The following SHC4 variants were observed in gnomAD, a reference collection of about 807,000 sequenced individuals.
The protein encoded by SHC4 is SHC-transforming protein 4.
SHC4 carries 41 observed loss-of-function variants against 69.4 expected under a neutral mutation model. The ratio of observed to expected loss-of-function variants is 0.59; its 90% CI spans 0.46 to 0.77. The LOEUF (loss-of-function observed/expected upper bound fraction) is 0.77, where lower values mean the gene tolerates loss of function less well. Among genes scored for constraint, SHC4 ranks in the 30% least tolerant of loss-of-function variants. The pLI, the probability that SHC4 is intolerant of heterozygous loss-of-function variation, is 0.00. For synonymous variants in SHC4, 318 were observed against 299.3 expected, an observed-to-expected ratio of 1.06 and a Z score of -0.64; for missense variants, 777 against 783.8, an observed-to-expected ratio of 0.99 and a Z score of 0.10.
In SHC4 at chr15:48,856,034, A is replaced by G. The variant is rs1347197650; in HGVS notation, c.1161T>C (p.Gly387=). ...EIPGKQPPVG[G]VSDMRIKVQA... Reference sequence around the variant, plus strand: ...GAACTTTGATCCGCATATCTGAAACACCACCTACTGGTGGCTGCTTCCCTG... The same window carrying G: ...GAACTTTGATCCGCATATCTGAAACGCCACCTACTGGTGGCTGCTTCCCTG... Residue 387 remains glycine (G), a synonymous_variant, in exon 8 of 12, where the codon GGT becomes GGC. Transcript: ENST00000332408. The G allele has an allele frequency of 6.2e-7, 1 of 1,613,838 alleles. No homozygotes were observed. The highest frequency in any genetic ancestry group is 8.5e-7 in the Non-Finnish European group (1 of 1,179,900).
At chr15:48,930,200 C>T (rs918317477) in intron 1 of SHC4, among the ~76,000 whole-genome samples, 1 of 152,174 alleles carries the variant, frequency 6.6e-6, no homozygotes, top group Non-Finnish European at 1.5e-5. Flanking sequence ...GGGAGAGAGG[C>T]AGGTTTTTAC....
intron 11 of SHC4, among the ~76,000 whole-genome samples, chr15:48,831,608 CT>C (rs565849162): frequency 1.6e-3 from 241 of 152,280 alleles, no homozygotes; most frequent in African/African-American, 5.4e-3. Context: ...GCTATACTAT[CT>C]AGGTTTGTGT....
At position 48,826,130 on chromosome 15, in the gene SHC4, GA is replaced by G; in HGVS notation, c.1738-5del. 6.2e-7 allele frequency: 1 copy of G among 1,600,810 alleles called. No homozygotes were observed. On this transcript the variant is annotated splice_region_variant and splice_polypyrimidine_tract_variant and intron_variant, in intron 11 of 11. Coordinates refer to ENST00000332408, the MANE Select transcript of SHC4 (RefSeq NM_203349.4). ...ATACATGATCCTTGGTCCTCACCTT[GA>G]AAAAGAAGTACAAATATATTTAGGT... is the stretch of plus-strand genomic sequence containing the variant.
intron 1 of SHC4, among the ~76,000 whole-genome samples, chr15:48,953,489 G>C (rs1018428952): frequency 6.6e-6 from 1 of 152,028 alleles, no homozygotes; most frequent in Non-Finnish European, 1.5e-5. Flanking sequence ...TTTCAATACT[G>C]ATGCTTGCTA....
At chr15:48,924,252 G>T (rs1167785014) in intron 2 of SHC4, among the ~76,000 whole-genome samples, 1 of 152,058 alleles carries the variant, frequency 6.6e-6, no homozygotes, top group Non-Finnish European at 1.5e-5. Context: ...AATTTTTCCA[G>T]CTGCCAGTCT....
At chr15:48,869,118 AC>A (rs557856237) in intron 5 of SHC4, among the ~76,000 whole-genome samples, 45 of 152,370 alleles carry the variant, frequency 3.0e-4, no homozygotes, top group Admixed American at 2.2e-3. Context: ...GGGAGAATTT[AC>A]AGAATGCTAA....
rs1050175689 is a variant in SHC4, at chr15:48,837,817, T to C, written c.1484-2795A>G. Among the ~76,000 whole-genome samples the C allele has an allele frequency of 2.0e-5, 3 of 152,012 alleles. No homozygotes were observed. The East Asian group carries it at 5.8e-4, about 29-fold the overall frequency. Reference sequence around the variant, plus strand: ...GCTATCCACACCCAAATGGATCTAATGGGCAAAAACCTCTAAAAGGGAAAA... The same window carrying C: ...GCTATCCACACCCAAATGGATCTAACGGGCAAAAACCTCTAAAAGGGAAAA... On this transcript the variant is annotated intron_variant, in intron 10 of 11. Coordinates refer to ENST00000332408, the MANE Select transcript of SHC4 (RefSeq NM_203349.4).
Position 48,856,047 on chromosome 15 carries a change from G to A in SHC4, c.1148C>T (p.Pro383Leu), listed in dbSNP as rs1333778336. The change falls in exon 8 of 12, where the codon CCA becomes CTA. Residue 383 changes from proline to leucine, a missense_variant. Coordinates refer to ENST00000332408, the MANE Select transcript of SHC4 (RefSeq NM_203349.4). ...EYYNEIPGKQ[P>L]PVGGVSDMRI... ...CATATCTGAAACACCACCTACTGGT[G>A]GCTGCTTCCCTGGAATTTCATTGTA... is the stretch of plus-strand genomic sequence containing the variant. 6.2e-7 allele frequency: 1 copy of A among 1,613,852 alleles called. No homozygotes were observed. Among genetic ancestry groups the A allele is most frequent in the East Asian group, 2.2e-5 (1 of 44,866 alleles).
rs745410441 is a variant in SHC4 at position 48,867,834 on chromosome 15, A to G, written c.930T>C (p.Asp310=). Residue 310 remains aspartate (D), a synonymous_variant, in exon 6 of 12, where the codon GAT becomes GAC. Coordinates refer to ENST00000332408, the MANE Select transcript of SHC4 (RefSeq NM_203349.4). ...TTDYVAYVAK[D]PVNQRACHIL... Reference sequence around the variant, plus strand: ...TTTCCATACCTCGTTGATTAACTGGATCTTTAGCTACGTAGGCAACATAGT... The same window carrying G: ...TTTCCATACCTCGTTGATTAACTGGGTCTTTAGCTACGTAGGCAACATAGT... 1.2e-6 allele frequency: 2 copies of G among 1,613,548 alleles called. No individual in the cohort carries two copies. The highest frequency in any genetic ancestry group is 1.3e-5 in the African/African-American group (1 of 74,920).
chr15:48,833,791 C>T (rs1184833372), intron 11 of SHC4, among the ~76,000 whole-genome samples: 1 of 152,232 alleles, frequency 6.6e-6, no homozygotes, highest in Non-Finnish European at 1.5e-5. Context: ...CTTCCTGCCA[C>T]TGAGCTATGC....
At chr15:48,886,376 C>T (rs1423447556) in intron 3 of SHC4, among the ~76,000 whole-genome samples, 2 of 152,090 alleles carry the variant, frequency 1.3e-5, no homozygotes, top group Non-Finnish European at 2.9e-5. Context: ...TTGTTCTCAC[C>T]ATAACCTTAA....
At chr15:48,905,055 G>C (rs1025723109) in intron 2 of SHC4, among the ~76,000 whole-genome samples, 1 of 151,964 alleles carries the variant, frequency 6.6e-6, no homozygotes, top group Middle Eastern at 3.2e-3. Flanking sequence ...TTTGGAATTT[G>C]GCCAGGTTTA....
chr15:48,900,260 C>G (rs1900299366), intron 2 of SHC4, among the ~76,000 whole-genome samples: 1 of 152,106 alleles, frequency 6.6e-6, no homozygotes, highest in Non-Finnish European at 1.5e-5. Flanking sequence ...GTAATCCCAG[C>G]ACTTTGGAAG....
chr15:48,891,267 AGGATCG>A (rs1567062719), intron 2 of SHC4, among the ~76,000 whole-genome samples: 1 of 152,232 alleles, frequency 6.6e-6, no homozygotes, highest in Non-Finnish European at 1.5e-5. Flanking sequence ...AAAATTTAAA[AGGATCG>A]GGAGAACGTT....
chr15:48,826,253 C>CTTTTT, intron 11 of SHC4, 127 bp from the exon 12 acceptor site: 3 of 639,588 alleles, frequency 4.7e-6, no homozygotes, highest in Non-Finnish European at 7.0e-6. Flanking sequence ...AGAAAAGGTA[C>CTTTTT]TTTTTTTTTT....
At chr15:48,946,091 T>C (rs927943096) in intron 1 of SHC4, 4 of 152,240 alleles carry the variant, frequency 2.6e-5, no homozygotes, top group African/African-American at 9.6e-5. Context: ...TGCCTAGTGA[T>C]GTCAACTAAA....
intron 1 of SHC4, among the ~76,000 whole-genome samples, chr15:48,950,087 AT>A (rs35428882): frequency 0.21 from 29,918 of 142,252 alleles, 4,089 homozygotes; most frequent in Non-Finnish European, 0.3. Flanking sequence ...TATAAAATAT[AT>A]TTTTATAATA....
At chr15:48,943,538 T>C (rs1007052174) in intron 1 of SHC4, among the ~76,000 whole-genome samples, 3 of 152,200 alleles carry the variant, frequency 2.0e-5, no homozygotes, top group Non-Finnish European at 4.4e-5. Flanking sequence ...TCTTGACTAC[T>C]GTGAATAATG....
intron 6 of SHC4, among the ~76,000 whole-genome samples, chr15:48,867,083 C>T (rs10162882): frequency 6.6e-6 from 1 of 151,996 alleles, no homozygotes; most frequent in Non-Finnish European, 1.5e-5. Context: ...GGTTCCTGCC[C>T]TCATGAAGAT....
Sources: gnomAD v4.1 joint callset for allele counts (sites outside exome capture counted in the v4.1 genomes callset) on GRCh38, gnomAD v4.1.1 for gene constraint, MANE v1.5 for transcripts, NCBI Gene and HGNC (gene_info 2026-07-23, HGNC 2026-07-21) for gene names.